The following CCNB1IP1 variants were observed in gnomAD, a reference collection of about 807,000 sequenced individuals.
The protein encoded by CCNB1IP1 is E3 ubiquitin-protein ligase CCNB1IP1.
A neutral mutation model predicts 25.6 loss-of-function variants in CCNB1IP1; 14 were observed. That is an observed-to-expected ratio of 0.55 (90% CI 0.36 to 0.85). The LOEUF (loss-of-function observed/expected upper bound fraction) is 0.85, where lower values mean the gene tolerates loss of function less well. Among genes scored for constraint, CCNB1IP1 ranks in the 40% least tolerant of loss-of-function variants. The pLI is 0.01. For missense variants in CCNB1IP1, 278 were observed against 342.4 expected (o/e 0.81, Z 1.48); for synonymous variants, 119 against 116.1 (o/e 1.02, Z -0.16).
At chr14:20,330,125 AC>A (rs1883191512) in intron 1 of CCNB1IP1, among the ~76,000 whole-genome samples, 2 of 150,828 alleles carry the variant, frequency 1.3e-5, no homozygotes, top group Admixed American at 6.6e-5. Context: ...AAAACAAAAA[AC>A]ATGTCCTTTG....
rs777941048 is a variant in CCNB1IP1 at position 20,313,543 on chromosome 14, T to A, written c.556A>T (p.Ile186Phe). Residue 186 changes from isoleucine to phenylalanine, a missense_variant, in exon 6 of 7, where the codon ATC becomes TTC. Transcript: ENST00000358932. ...GLYDSLRLRNITIANHEGTLE... is the reference protein window; with the variant it reads ...GLYDSLRLRNFTIANHEGTLE... ...GTGCCTTCATGGTTAGCAATAGTGA[T>A]GTTTCGTAGCCTAAGGCTATCATAG... The A allele has an allele frequency of 2.5e-6, 4 of 1,614,066 alleles. No individual in the cohort carries two copies. Among genetic ancestry groups the A allele is most frequent in the African/African-American group, 2.7e-5 (2 of 74,946 alleles).
intron 4 of CCNB1IP1, among the ~76,000 whole-genome samples, chr14:20,321,247 A>T (rs1229065017): frequency 6.6e-6 from 1 of 152,152 alleles, no homozygotes; most frequent in Admixed American, 6.5e-5. Context: ...GTTGTGCTAT[A>T]TTTGAACACA....
chr14:20,315,032 A>T (rs1276546756), intron 5 of CCNB1IP1, among the ~76,000 whole-genome samples: 1 of 142,512 alleles, frequency 7.0e-6, no homozygotes. Context: ...CAGAGCTTGC[A>T]GTGAGCTGAG....
chr14:20,315,505 G>A (rs895102388), intron 5 of CCNB1IP1: 2 of 1,141,346 alleles, frequency 1.8e-6, no homozygotes, highest in African/African-American at 1.7e-5. Context: ...ATAATAAAAA[G>A]TTACTTGACA....
rs769913946 is a variant in CCNB1IP1, at chr14:20,311,648, G to A, written c.736C>T (p.Pro246Ser). 1.5e-5 allele frequency: 24 copies of A among 1,614,068 alleles called. No individual in the cohort carries two copies. In the East Asian group the frequency reaches 2.0e-4, roughly 13 times the overall value. The change falls in exon 7 of 7, where the codon CCT (proline) becomes TCT (serine). Residue 246 changes from proline to serine, a missense_variant. Pro to Ser is a moderately conservative substitution (Grantham distance 74). Coordinates refer to ENST00000358932, the MANE Select transcript of CCNB1IP1 (RefSeq NM_021178.5). ...CTAAAAAAGCTGTTGCTGGGTTCAGGTGCTGTGGGAGAACCCGCAAAAAAT... is the reference window on the plus strand; with the variant it reads ...CTAAAAAAGCTGTTGCTGGGTTCAGATGCTGTGGGAGAACCCGCAAAAAAT... The part of the protein sequence containing the change: ...RPFFAGSPTA[P>S]EPSNSFFSFV...
In CCNB1IP1 at chr14:20,311,419, C is replaced by G. The variant is rs901204524; in HGVS notation, c.*131G>C. ...TTTTTTTTAGAAACAGGGTCTCACTCTGTTGCCCAGGCTGGAGTGCAGTGG... is the reference window on the plus strand; with the variant it reads ...TTTTTTTTAGAAACAGGGTCTCACTGTGTTGCCCAGGCTGGAGTGCAGTGG... On this transcript the variant is annotated 3_prime_UTR_variant, in exon 7 of 7. Transcript: ENST00000358932. 2.9e-6 allele frequency: 2 copies of G among 695,368 alleles called. No individual in the cohort carries two copies. The highest frequency in any genetic ancestry group is 2.5e-5 in the East Asian group (1 of 39,836). The allele number at this position is 695,368 out of a possible 1,614,324, so 43.1% of individuals were successfully genotyped here.
In CCNB1IP1 at chr14:20,316,222, C is replaced by T. The variant is rs746533140; in HGVS notation, c.297+5G>A. 5 of 1,609,448 alleles carry T rather than the reference C, an allele frequency of 3.1e-6. No individual in the cohort carries two copies. The highest frequency in any genetic ancestry group is 4.3e-6 in the Non-Finnish European group (5 of 1,176,280). On this transcript the variant is annotated splice_donor_5th_base_variant and intron_variant, in intron 5 of 6. Coordinates refer to ENST00000358932, the MANE Select transcript of CCNB1IP1 (RefSeq NM_021178.5). ...TGCTCAAGAGAAACTAGACTAAGCA[C>T]TAACCTGATATGTCCAGAAGGCCAG... is the stretch of plus-strand genomic sequence containing the variant.
At chr14:20,315,982 G>C (rs990880557) in intron 5 of CCNB1IP1, 4 of 404,628 alleles carry the variant, frequency 9.9e-6, no homozygotes, top group East Asian at 4.7e-5. Flanking sequence ...GAGTGTGTGA[G>C]TGTGTGTGTG....
At chr14:20,328,335 C>CTTTAAAATG (rs1883138639) in intron 2 of CCNB1IP1, among the ~76,000 whole-genome samples, 1 of 152,178 alleles carries the variant, frequency 6.6e-6, no homozygotes, top group Admixed American at 6.5e-5. Context: ...CAGTGACATG[C>CTTTAAAATG]TAGCTCAGTA....
At chr14:20,317,169 A>C (rs1265205143) in intron 4 of CCNB1IP1, among the ~76,000 whole-genome samples, 2 of 151,904 alleles carry the variant, frequency 1.3e-5, no homozygotes, top group Non-Finnish European at 2.9e-5. Context: ...CCAGCACCTT[A>C]GGAGGCCAAG....
intron 5 of CCNB1IP1, chr14:20,315,962 AAGAGAGAG>A (rs74717577): frequency 6.5e-6 from 3 of 463,698 alleles, no homozygotes; most frequent in South Asian, 2.4e-5. Context: ...TTTTATACAG[AAGAGAGAG>A]AGAGTGTGTG....
chr14:20,325,124 T>C (rs116510621), intron 4 of CCNB1IP1, among the ~76,000 whole-genome samples: 2,038 of 150,842 alleles, frequency 0.014, 39 homozygotes, highest in African/African-American at 0.046. Flanking sequence ...CAACTGACTT[T>C]TAAAAAGTGA....
chr14:20,312,721 C>T (rs1439572648), intron 6 of CCNB1IP1, among the ~76,000 whole-genome samples: 4 of 151,382 alleles, frequency 2.6e-5, no homozygotes, highest in Non-Finnish European at 5.9e-5. Context: ...GAGATTCATT[C>T]CGTCTGCAAG....
chr14:20,327,969 A>G (rs11622655), intron 2 of CCNB1IP1, among the ~76,000 whole-genome samples: 48,358 of 152,052 alleles, frequency 0.32, 8,538 homozygotes, highest in African/African-American at 0.48. Flanking sequence ...TTCATTACTC[A>G]ATAGCTAAAT....
intron 4 of CCNB1IP1, among the ~76,000 whole-genome samples, chr14:20,319,365 G>C (rs1424065504): frequency 6.6e-6 from 1 of 152,196 alleles, no homozygotes; most frequent in Non-Finnish European, 1.5e-5. Context: ...ATCTTCATGT[G>C]TGAACCATAT....
chr14:20,322,490 C>A (rs1385505368), intron 4 of CCNB1IP1, among the ~76,000 whole-genome samples: 3 of 151,966 alleles, frequency 2.0e-5, no homozygotes, highest in Non-Finnish European at 4.4e-5. Flanking sequence ...TTATTTTATT[C>A]TTTCCTTTGC....
intron 6 of CCNB1IP1, among the ~76,000 whole-genome samples, chr14:20,313,173 A>G (rs1278866161): frequency 6.6e-6 from 1 of 152,154 alleles, no homozygotes; most frequent in African/African-American, 2.4e-5. Flanking sequence ...TCAATAAATG[A>G]CAGCTAATAT....
chr14:20,332,005 C>CACAT (rs1402469851), intron 1 of CCNB1IP1, among the ~76,000 whole-genome samples: 10 of 66,576 alleles, frequency 1.5e-4, no homozygotes, highest in Non-Finnish European at 2.2e-4. Flanking sequence ...GATGTGTATA[C>CACAT]ATATATATAT....
At chr14:20,316,733 T>C (rs918713969) in intron 4 of CCNB1IP1, among the ~76,000 whole-genome samples, 173 bp from the exon 5 acceptor site, 3 of 152,246 alleles carry the variant, frequency 2.0e-5, no homozygotes, top group Non-Finnish European at 4.4e-5. Context: ...TTAATTGTGC[T>C]CGTTTGTCCG....
Sources: allele counts gnomAD v4.1 joint callset (sites outside exome capture counted in the v4.1 genomes callset), GRCh38; gene constraint gnomAD v4.1.1; transcripts MANE v1.5; gene names NCBI Gene and HGNC (gene_info 2026-07-23, HGNC 2026-07-21).